The following TANC2 variants were observed in gnomAD, a reference collection of about 807,000 sequenced individuals.
The protein encoded by TANC2 is tetratricopeptide repeat, ankyrin repeat and coiled-coil containing 2, also known as protein TANC2.
A neutral mutation model predicts 210.5 loss-of-function variants in TANC2; 26 were observed. The ratio of observed to expected loss-of-function variants is 0.12; its 90% CI spans 0.09 to 0.17. The LOEUF (loss-of-function observed/expected upper bound fraction) is 0.17, where lower values mean the gene tolerates loss of function less well. TANC2 is among the 10% of genes least tolerant of loss of function. The probability of loss-of-function intolerance (pLI) is 1.00; values close to 1 mark genes in which losing one functional copy is unlikely to be tolerated. For missense variants in TANC2, 2,129 were observed against 2,608.9 expected (o/e 0.82, Z 4.01); for synonymous variants, 931 against 967.1 (o/e 0.96, Z 0.69).
chr17:63,194,109 A>G (rs2041268788), exon 6 of TANC2: 6 of 1,613,404 alleles, frequency 3.7e-6, no homozygotes, highest in Non-Finnish European at 5.1e-6. Flanking sequence ...CAGGTGACCA[A>G]TACAGCATGG....
intron 4 of TANC2, among the ~76,000 whole-genome samples, chr17:63,100,264 A>G (rs529909351): frequency 4.2e-4 from 64 of 152,264 alleles, no homozygotes; most frequent in Admixed American, 6.5e-4. Flanking sequence ...ACTTCTGTCT[A>G]TGTAGAGTGA....
chr17:63,013,429 C>G (rs2033962107), intron 2 of TANC2, among the ~76,000 whole-genome samples: 1 of 151,940 alleles, frequency 6.6e-6, no homozygotes, highest in South Asian at 2.1e-4. Context: ...TACTGGTATG[C>G]CTAAGAGTAT....
At chr17:63,220,973 A>G (rs1448168622) in intron 7 of TANC2, among the ~76,000 whole-genome samples, 1 of 151,772 alleles carries the variant, frequency 6.6e-6, no homozygotes, top group Non-Finnish European at 1.5e-5. Context: ...ACTTAAACCT[A>G]AGAGCTAAAA....
At chr17:63,098,543 TTA>T (rs1202046273) in intron 3 of TANC2, among the ~76,000 whole-genome samples, 1 of 115,726 alleles carries the variant, frequency 8.6e-6, no homozygotes, top group Non-Finnish European at 1.9e-5. Flanking sequence ...ATGTAAAAAT[TTA>T]TATATATATA....
chr17:63,168,361 G>T (rs981033042), intron 5 of TANC2, among the ~76,000 whole-genome samples: 5 of 152,206 alleles, frequency 3.3e-5, no homozygotes, highest in Admixed American at 6.5e-5. Flanking sequence ...TTCCCCAGTT[G>T]CATGTTAATA....
intron 5 of TANC2, among the ~76,000 whole-genome samples, chr17:63,178,265 G>A (rs894785581): frequency 8.5e-5 from 13 of 152,090 alleles, no homozygotes; most frequent in Non-Finnish European, 1.8e-4. Flanking sequence ...CCCGGGAGGC[G>A]GAGCTTGCAG....
intron 2 of TANC2, among the ~76,000 whole-genome samples, chr17:63,027,432 CAAT>C (rs1416002443): frequency 6.6e-6 from 1 of 151,792 alleles, no homozygotes; most frequent in Non-Finnish European, 1.5e-5. Context: ...TGATATAGAA[CAAT>C]GTTTGTGCCA....
intron 3 of TANC2, among the ~76,000 whole-genome samples, chr17:63,086,830 A>G (rs773513671): frequency 3.5e-5 from 5 of 143,842 alleles, no homozygotes; most frequent in Non-Finnish European, 7.8e-5. Context: ...CTGTAAAAAC[A>G]CACCAATCAG....
At chr17:63,233,446 C>A (rs2042536669) in intron 7 of TANC2, among the ~76,000 whole-genome samples, 1 of 152,226 alleles carries the variant, frequency 6.6e-6, no homozygotes, top group Non-Finnish European at 1.5e-5. Flanking sequence ...TCACTCACTA[C>A]CACCTCCCTT....
chr17:63,133,363 C>G (rs558069077), intron 4 of TANC2, among the ~76,000 whole-genome samples: 14 of 152,350 alleles, frequency 9.2e-5, no homozygotes, highest in African/African-American at 3.4e-4. Context: ...CCTCTGCCTC[C>G]CACAGTGCTG....
At chr17:62,990,061 G>A (rs2032781095) in intron 1 of TANC2, among the ~76,000 whole-genome samples, 1 of 152,116 alleles carries the variant, frequency 6.6e-6, no homozygotes, top group African/African-American at 2.4e-5. Flanking sequence ...ACAGGCATGA[G>A]CCACTGCACC....
intron 7 of TANC2, among the ~76,000 whole-genome samples, chr17:63,202,335 T>C (rs1015229110): frequency 2.6e-5 from 4 of 152,096 alleles, no homozygotes; most frequent in Non-Finnish European, 5.9e-5. Flanking sequence ...AAATGGAAAT[T>C]GGGCTTCTGT....
chr17:63,026,553 A>C (rs2034562126), intron 2 of TANC2, among the ~76,000 whole-genome samples: 1 of 152,184 alleles, frequency 6.6e-6, no homozygotes, highest in South Asian at 2.1e-4. Flanking sequence ...GGAAGTGAAA[A>C]GAATGGGAAG....
chr17:63,332,909 A>G (rs933331991), intron 11 of TANC2, among the ~76,000 whole-genome samples: 1 of 152,188 alleles, frequency 6.6e-6, no homozygotes, highest in African/African-American at 2.4e-5. Context: ...CCTGGATGAT[A>G]GCACATCTGT....
intron 4 of TANC2, among the ~76,000 whole-genome samples, chr17:63,140,652 C>G (rs911574773): frequency 6.6e-6 from 1 of 152,188 alleles, no homozygotes; most frequent in Non-Finnish European, 1.5e-5. Context: ...GTAATGCCCA[C>G]TGCGCTATGT....
chr17:62,996,236 G>GC (rs2033100561), intron 1 of TANC2, among the ~76,000 whole-genome samples: 2 of 152,096 alleles, frequency 1.3e-5, no homozygotes, highest in African/African-American at 4.8e-5. Flanking sequence ...ACTAAATATG[G>GC]CCTGAGAAGG....
chr17:63,210,901 AT>A (rs1179661224), intron 7 of TANC2, among the ~76,000 whole-genome samples: 3 of 152,066 alleles, frequency 2.0e-5, no homozygotes, highest in Non-Finnish European at 4.4e-5. Flanking sequence ...TCTTTTTAAA[AT>A]TTTTTAGCAT....
chr17:63,238,210 C>G, intron 8 of TANC2, 133 bp downstream of exon 8: 1 of 1,181,870 alleles, frequency 8.5e-7, no homozygotes, highest in Non-Finnish European at 1.1e-6. Flanking sequence ...CTAAGCTGTT[C>G]TTTTGTGTTT....
At chr17:63,090,069 C>A (rs1054968727) in intron 3 of TANC2, among the ~76,000 whole-genome samples, 1 of 152,044 alleles carries the variant, frequency 6.6e-6, no homozygotes, top group African/African-American at 2.4e-5. Flanking sequence ...TTCCCTCATG[C>A]CCCCTTGTAA....
Sources: allele counts gnomAD v4.1 joint callset (sites outside exome capture counted in the v4.1 genomes callset), GRCh38; gene constraint gnomAD v4.1.1; transcripts MANE v1.5; gene names NCBI Gene and HGNC (gene_info 2026-07-23, HGNC 2026-07-21).